KLHL32: variants seen among roughly 807,000 people sequenced by gnomAD.
KLHL32 encodes kelch-like protein 32.
A neutral mutation model predicts 64.8 loss-of-function variants in KLHL32; 35 were observed. The ratio of observed to expected loss-of-function variants is 0.54; its 90% CI spans 0.41 to 0.72. The LOEUF is 0.72. KLHL32 is among the 30% of genes least tolerant of loss of function. The pLI is 0.00. For missense variants in KLHL32, 589 were observed against 768.5 expected, an observed-to-expected ratio of 0.77 and a Z score of 2.76; for synonymous variants, 259 against 281.0, an observed-to-expected ratio of 0.92 and a Z score of 0.78.
At chr6:96,917,227 G>C in the KLHL32 span, among the ~76,000 whole-genome samples, 1 of 152,170 alleles carries the variant, frequency 6.6e-6, no homozygotes, top group Non-Finnish European at 1.5e-5. Flanking sequence ...CAGTGGAGCT[G>C]GACTTAGGAT....
At chr6:96,984,796 A>G (rs1461123536) in intron 3 of KLHL32, among the ~76,000 whole-genome samples, 1 of 152,184 alleles carries the variant, frequency 6.6e-6, no homozygotes, top group Non-Finnish European at 1.5e-5. Context: ...TCCTGAATAC[A>G]GTACAGTGAT....
intron 3 of KLHL32, among the ~76,000 whole-genome samples, chr6:97,028,300 T>C (rs1230339298): frequency 6.6e-6 from 1 of 152,174 alleles, no homozygotes; most frequent in Non-Finnish European, 1.5e-5. Flanking sequence ...GCCAGTGATC[T>C]CTAAAGTGTT....
chr6:96,948,056 A>G (rs1198316166), intron 1 of KLHL32, among the ~76,000 whole-genome samples: 2 of 152,210 alleles, frequency 1.3e-5, no homozygotes, highest in East Asian at 1.9e-4. Flanking sequence ...TAGAGGATCC[A>G]GAAGAGAAAT....
intron 2 of KLHL32, among the ~76,000 whole-genome samples, chr6:96,967,415 A>ATG (rs1437259044): frequency 6.6e-6 from 1 of 151,112 alleles, no homozygotes; most frequent in Non-Finnish European, 1.5e-5. Context: ...ATACATATAT[A>ATG]TGTGTGTGTG....
At chr6:97,027,366 A>AT (rs1355463610) in intron 3 of KLHL32, among the ~76,000 whole-genome samples, 1 of 152,186 alleles carries the variant, frequency 6.6e-6, no homozygotes, top group Admixed American at 6.5e-5. Flanking sequence ...GGAAGCCATT[A>AT]CCAATATCAG....
intron 2 of KLHL32, among the ~76,000 whole-genome samples, chr6:96,967,343 T>C (rs1367385418): frequency 6.6e-6 from 1 of 152,182 alleles, no homozygotes; most frequent in East Asian, 1.9e-4. Context: ...GATGCTAACT[T>C]CCCTCAAACA....
intron 4 of KLHL32, among the ~76,000 whole-genome samples, chr6:97,059,626 C>T (rs977675515): frequency 5.1e-4 from 77 of 152,104 alleles, no homozygotes; most frequent in Non-Finnish European, 5.9e-5. Context: ...TTAGAAAATT[C>T]TTTTCCTTTA....
intron 3 of KLHL32, among the ~76,000 whole-genome samples, chr6:97,023,584 G>C (rs527659864): frequency 2.6e-4 from 39 of 152,298 alleles, no homozygotes; most frequent in African/African-American, 7.0e-4. Context: ...AGGGCAACAA[G>C]GATTGTACCC....
intron 3 of KLHL32, among the ~76,000 whole-genome samples, chr6:96,984,577 A>C (rs183179554): frequency 6.6e-6 from 1 of 152,188 alleles, no homozygotes; most frequent in Admixed American, 6.5e-5. Flanking sequence ...GGGTGCATAT[A>C]TATTTAGGAT....
rs564409871 is a variant in KLHL32, at chr6:97,007,144, G to A, written c.204+30967G>A. Among the ~76,000 whole-genome samples the A allele has an allele frequency of 8.2e-4, 124 of 151,250 alleles. 3 individuals are homozygous for A. The South Asian group carries it at 0.026, about 31-fold the overall frequency. ...AGGGATGCTAATGAATTGTAGATTT[G>A]GTCTCTTTACATTATCCCATATTTC... On this transcript the variant is annotated intron_variant, in intron 3 of 10. Transcript: ENST00000369261.
chr6:97,011,519 T>TAAA, intron 3 of KLHL32, among the ~76,000 whole-genome samples: 1 of 152,334 alleles, frequency 6.6e-6, no homozygotes, highest in Non-Finnish European at 1.5e-5. Context: ...AAAGTCTCTT[T>TAAA]AAAAGAGCAA....
intron 1 of KLHL32, among the ~76,000 whole-genome samples, chr6:96,933,802 C>G (rs55683359): frequency 0.066 from 9,976 of 152,208 alleles, 394 homozygotes; most frequent in Middle Eastern, 0.14. Flanking sequence ...AGCAGTCACT[C>G]ATGGTGGCTT....
At chr6:97,116,801 T>A (rs1797846570) in intron 7 of KLHL32, among the ~76,000 whole-genome samples, 3 of 152,234 alleles carry the variant, frequency 2.0e-5, no homozygotes, top group Admixed American at 2.0e-4. Context: ...TTTTATTAAA[T>A]CTATCAACCT....
chr6:96,975,481 A>G (rs1304074685), intron 2 of KLHL32, among the ~76,000 whole-genome samples: 1 of 152,128 alleles, frequency 6.6e-6, no homozygotes, highest in African/African-American at 2.4e-5. Flanking sequence ...TTTTTGTCCT[A>G]ACATTTGCTC....
rs59828741 is a variant in KLHL32, at chr6:97,019,946, A to AT, written c.205-21527dup. ...AGGCGCCCATCACCACTCCCGGCGA[A>AT]TTTTTTTTTTTTTTTTTTTGAGACA... On this transcript the variant is annotated intron_variant, in intron 3 of 10. Coordinates refer to ENST00000369261, the MANE Select transcript of KLHL32 (RefSeq NM_052904.4). Among the ~76,000 whole-genome samples, 455 of 115,062 alleles carry AT rather than the reference A, an allele frequency of 4.0e-3. 2 individuals are homozygous for AT. Among genetic ancestry groups the AT allele is most frequent in the Non-Finnish European group, 5.8e-3 (324 of 56,306 alleles). The allele number at this position is 115,062 out of a possible 152,430, so 75.5% of individuals were successfully genotyped here.
intron 3 of KLHL32, among the ~76,000 whole-genome samples, chr6:96,981,683 C>A (rs1445255894): frequency 2.6e-5 from 4 of 152,000 alleles, no homozygotes; most frequent in Non-Finnish European, 5.9e-5. Flanking sequence ...TTGATATGGG[C>A]ATTTAGTACT....
At chr6:96,942,581 A>T (rs1316561511) in intron 1 of KLHL32, among the ~76,000 whole-genome samples, 1 of 152,018 alleles carries the variant, frequency 6.6e-6, no homozygotes, top group Non-Finnish European at 1.5e-5. Context: ...GCTGGAAAGG[A>T]CATTAGCATT....
intron 1 of KLHL32, among the ~76,000 whole-genome samples, chr6:96,938,218 G>T (rs1394504686): frequency 2.0e-5 from 3 of 152,146 alleles, no homozygotes; most frequent in Non-Finnish European, 1.5e-5. Context: ...TTTACCAAGG[G>T]TGTCTCTGGC....
chr6:97,050,223 AATTT>A (rs1452447857), intron 4 of KLHL32, among the ~76,000 whole-genome samples: 2 of 152,106 alleles, frequency 1.3e-5, no homozygotes, highest in African/African-American at 4.8e-5. Flanking sequence ...ATAATTTATA[AATTT>A]ATGTCTTCAT....
Sources: allele counts gnomAD v4.1 joint callset (sites outside exome capture counted in the v4.1 genomes callset), GRCh38; gene constraint gnomAD v4.1.1; transcripts MANE v1.5; gene names NCBI Gene and HGNC (gene_info 2026-07-23, HGNC 2026-07-21).